TRPA1: variants seen among roughly 807,000 people sequenced by gnomAD.
The protein encoded by TRPA1 is transient receptor potential cation channel subfamily A member 1, also known as ankyrin-like with transmembrane domains 1.
A neutral mutation model predicts 131.3 loss-of-function variants in TRPA1; 129 were observed. The ratio of observed to expected loss-of-function variants is 0.98; its 90% CI spans 0.85 to 1.14. The LOEUF (loss-of-function observed/expected upper bound fraction) is 1.14. Ranked by LOEUF, TRPA1 falls within the 50% of genes most tolerant of loss-of-function variation. The pLI is 0.00. For synonymous variants in TRPA1, 441 were observed against 451.7 expected (o/e 0.98, Z 0.30); for missense variants, 1,304 against 1,354.2 (o/e 0.96, Z 0.58).
At chr8:72,070,748 C>T (rs1205221172) in intron 2 of TRPA1, among the ~76,000 whole-genome samples, 1 of 152,146 alleles carries the variant, frequency 6.6e-6, no homozygotes, top group Admixed American at 6.5e-5. Flanking sequence ...TTTGTGATCC[C>T]CTAAGGGATT....
chr8:72,058,838 C>A (rs1204652443), intron 8 of TRPA1, among the ~76,000 whole-genome samples: 1 of 152,238 alleles, frequency 6.6e-6, no homozygotes, highest in Non-Finnish European at 1.5e-5. Flanking sequence ...ACCATACATT[C>A]ATCCGTATAA....
chr8:72,029,390 T>C (rs1203204358), intron 24 of TRPA1, among the ~76,000 whole-genome samples: 2 of 152,196 alleles, frequency 1.3e-5, no homozygotes, highest in East Asian at 3.8e-4. Context: ...TCGGACATTT[T>C]TTTGTATCAA....
Position 72,034,387 on chromosome 8 carries a change from T to TAAA in TRPA1, c.2556-13_2556-11dup. The TAAA allele has an allele frequency of 2.6e-6, 3 of 1,161,484 alleles. No homozygotes were observed. Among genetic ancestry groups the TAAA allele is most frequent in the South Asian group, 1.6e-5 (1 of 63,368 alleles). The allele number at this position is 1,161,484 out of a possible 1,614,324, so 71.9% of individuals were successfully genotyped here. A position where few individuals can be genotyped will look rare whatever the true frequency, so the allele number is the denominator to read the frequency against. On this transcript the variant is annotated splice_polypyrimidine_tract_variant and intron_variant, in intron 21 of 26. Transcript: ENST00000262209. ...TCCACAATTTTCAAATCTAGAAAAG[T>TAAA]AAAAAAAAAAAAATTTACTCACTTT...
At chr8:72,051,572 T>G (rs967079976) in intron 14 of TRPA1, among the ~76,000 whole-genome samples, 1 of 152,192 alleles carries the variant, frequency 6.6e-6, no homozygotes, top group Non-Finnish European at 1.5e-5. Context: ...TTGAACACTT[T>G]CATTAAAAGT....
upstream of TRPA1, among the ~76,000 whole-genome samples, chr8:72,078,864 T>C (rs72659697): frequency 0.024 from 3,712 of 152,116 alleles, 94 homozygotes; most frequent in Non-Finnish European, 0.03. Context: ...TACCATTTTA[T>C]ATGGCCTCCA....
At chr8:72,082,068 CT>C in the TRPA1 span, among the ~76,000 whole-genome samples, 1 of 151,680 alleles carries the variant, frequency 6.6e-6, no homozygotes, top group African/African-American at 2.4e-5. Flanking sequence ...TCTCTACTGC[CT>C]TCTTTTGTAT....
At chr8:72,039,256 C>T (rs1427165444) in intron 18 of TRPA1, among the ~76,000 whole-genome samples, 1 of 152,006 alleles carries the variant, frequency 6.6e-6, no homozygotes, top group South Asian at 2.1e-4. Context: ...AGGATGTTAG[C>T]CCATATAATC....
rs564378928 is a variant in TRPA1 at position 72,063,247 on chromosome 8, G to A, written c.661+216C>T. On this transcript the variant is annotated intron_variant, in intron 5 of 26. Transcript: ENST00000262209. Reference sequence around the variant, plus strand: ...ATACAAAAAATTAGATGGGCATGGTGGCATGCACCTATAGTCCTGTTACTC... The same window carrying A: ...ATACAAAAAATTAGATGGGCATGGTAGCATGCACCTATAGTCCTGTTACTC... Among the ~76,000 whole-genome samples, 14 of 152,130 alleles carry A rather than the reference G, an allele frequency of 9.2e-5. No homozygotes were observed. In the East Asian group the frequency reaches 2.5e-3, roughly 27 times the overall value.
At chr8:72,088,366 C>CTTTTTTTTTTTT in the TRPA1 span, among the ~76,000 whole-genome samples, 147 of 81,226 alleles carry the variant, frequency 1.8e-3, 1 homozygote, top group East Asian at 4.0e-3. Flanking sequence ...TCTTTGAAAA[C>CTTTTTTTTTTTT]TTTTTTTTTT....
At chr8:72,087,535 C>T in the TRPA1 span, among the ~76,000 whole-genome samples, 5 of 151,930 alleles carry the variant, frequency 3.3e-5, no homozygotes, top group Middle Eastern at 0.01. Flanking sequence ...TTATCATTCA[C>T]ATTTTTTCTT....
At chr8:72,043,588 A>T (rs1228923230) in intron 17 of TRPA1, among the ~76,000 whole-genome samples, 1 of 151,734 alleles carries the variant, frequency 6.6e-6, no homozygotes, top group African/African-American at 2.4e-5. Context: ...TTTCTAGAAA[A>T]TTCTCAGACA....
chr8:72,023,138 A>G (rs1265085795), intron 26 of TRPA1, 22 bp from the exon 27 acceptor site: 1 of 1,607,330 alleles, frequency 6.2e-7, no homozygotes, highest in Non-Finnish European at 8.5e-7. Context: ...TACACATTTC[A>G]TGAATTTATT....
intron 1 of TRPA1, among the ~76,000 whole-genome samples, chr8:72,073,526 A>C (rs1446638618): frequency 6.6e-6 from 1 of 152,228 alleles, no homozygotes; most frequent in Non-Finnish European, 1.5e-5. Flanking sequence ...TCATGGGTTC[A>C]ACAAGAGATT....
chr8:72,022,274 T>C lies in TRPA1; in HGVS notation c.*632A>G, dbSNP rs2051719833. 6.4e-6 allele frequency: 1 copy of C among 155,884 alleles called. No individual in the cohort carries two copies. The highest frequency in any genetic ancestry group is 6.2e-5 in the Admixed American group (1 of 16,080). 9.7% of individuals were successfully genotyped at this position (155,884 alleles called of 1,614,324 possible). On this transcript the variant is annotated 3_prime_UTR_variant, in exon 27 of 27. Coordinates refer to ENST00000262209, the MANE Select transcript of TRPA1 (RefSeq NM_007332.3). ...ACAACATATATTATCTATAGTAAAA[T>C]TCGTGCATATCATAAGGCCTATTAA...
rs781262729 is a variant in TRPA1 at position 72,075,323 on chromosome 8, C to G, written c.87G>C (p.Thr29=). 1.2e-6 allele frequency: 2 copies of G among 1,613,462 alleles called. No homozygotes were observed. Among genetic ancestry groups the G allele is most frequent in the South Asian group, 2.2e-5 (2 of 91,070 alleles). The part of the protein sequence containing the change: ...GVVYEDVPDD[T]EDFKESLKVV... ...CCTTAAGCGATTCCTTGAAATCCTCCGTGTCGTCCGGCACATCCTCATAGA... is the reference window on the plus strand; with the variant it reads ...CCTTAAGCGATTCCTTGAAATCCTCGGTGTCGTCCGGCACATCCTCATAGA... Residue 29 remains threonine (T), a synonymous_variant, in exon 1 of 27, where the codon ACG becomes ACC. Transcript: ENST00000262209.
upstream of TRPA1, among the ~76,000 whole-genome samples, chr8:72,077,290 T>TG (rs71265967): frequency 0.042 from 5,585 of 131,792 alleles, 141 homozygotes; most frequent in Non-Finnish European, 0.05. Context: ...GTGACAGGGG[T>TG]GGGGGGGGGG....
upstream of TRPA1, among the ~76,000 whole-genome samples, chr8:72,078,929 A>G (rs1806238933): frequency 6.6e-6 from 1 of 151,976 alleles, no homozygotes; most frequent in Non-Finnish European, 1.5e-5. Flanking sequence ...AGTATTGTCA[A>G]TCTTTTTTTA....
At chr8:72,086,878 T>A in the TRPA1 span, among the ~76,000 whole-genome samples, 1 of 152,214 alleles carries the variant, frequency 6.6e-6, no homozygotes, top group Non-Finnish European at 1.5e-5. Context: ...ATCTCAGTCA[T>A]CTTTTCATGG....
At chr8:72,034,419 CAA>C (rs775858090) in intron 21 of TRPA1, 42 bp from the exon 22 acceptor site, 3 of 1,285,402 alleles carry the variant, frequency 2.3e-6, no homozygotes, top group Admixed American at 2.1e-5. Context: ...CTTTTATAGT[CAA>C]AGTGTATTCA....
Sources: allele counts gnomAD v4.1 joint callset (sites outside exome capture counted in the v4.1 genomes callset), GRCh38; gene constraint gnomAD v4.1.1; transcripts MANE v1.5; gene names NCBI Gene and HGNC (gene_info 2026-07-23, HGNC 2026-07-21).